Variants in PCDHA8 observed in about 807,000 individuals in gnomAD.
PCDHA8 encodes the protein protocadherin alpha 8.
Under a neutral mutation model 61.8 loss-of-function variants are expected in PCDHA8, and 53 were observed. The ratio of observed to expected loss-of-function variants is 0.86; its 90% CI spans 0.69 to 1.08. The LOEUF is 1.08. PCDHA8 is among the 50% of genes least tolerant of loss of function. The probability of loss-of-function intolerance (pLI) is 0.00; values close to 1 mark genes in which losing one functional copy is unlikely to be tolerated. For missense variants in PCDHA8, 1,293 were observed against 1,245.0 expected (o/e 1.04, Z -0.58); for synonymous variants, 618 against 556.6 (o/e 1.11, Z -1.55).
At chr5:140,939,089 A>C (rs1048123737) in intron 1 of PCDHA8, among the ~76,000 whole-genome samples, 11 of 152,204 alleles carry the variant, frequency 7.2e-5, no homozygotes, top group Non-Finnish European at 1.2e-4. Context: ...TGGGTGGCTT[A>C]AAAACAATAG....
intron 1 of PCDHA8, among the ~76,000 whole-genome samples, chr5:140,900,156 T>G (rs1219079675): frequency 3.3e-5 from 5 of 152,180 alleles, no homozygotes; most frequent in African/African-American, 1.2e-4. Flanking sequence ...CATACGATAT[T>G]TGTCTTTCTG....
At chr5:140,852,575 C>CT (rs1395261617) in intron 1 of PCDHA8, 11 of 798,920 alleles carry the variant, frequency 1.4e-5, no homozygotes, top group Non-Finnish European at 1.7e-5. Context: ...TGTGCCAAGG[C>CT]TTTTTTATTT....
At chr5:140,969,178 C>G (rs2096303822) in intron 1 of PCDHA8, 1 of 1,613,978 alleles carries the variant, frequency 6.2e-7, no homozygotes, top group South Asian at 1.1e-5. Flanking sequence ...CAGGGAGTGA[C>G]ACTTTCATGT....
Position 140,982,458 on chromosome 5 carries a change from T to C in PCDHA8, c.2454-17T>C, listed in dbSNP as rs1554244201. 1 of 1,613,996 alleles carries C rather than the reference T, an allele frequency of 6.2e-7. No homozygotes were observed. Among genetic ancestry groups the C allele is most frequent in the Non-Finnish European group, 8.5e-7 (1 of 1,179,964 alleles). ...ATTTATGATCTAACCGTTATCTGGG[T>C]CTGTGTGTTTATTCAGCTCTGTGCA... On this transcript the variant is annotated splice_polypyrimidine_tract_variant and intron_variant, in intron 2 of 3. Transcript: ENST00000531613.
At chr5:140,848,979 A>G in intron 1 of PCDHA8, 1 of 1,599,958 alleles carries the variant, frequency 6.3e-7, no homozygotes, top group Non-Finnish European at 8.5e-7. Flanking sequence ...CGATGCAGAT[A>G]TCGGGGAGAA....
chr5:140,882,094 C>T, intron 1 of PCDHA8: 1 of 1,172,684 alleles, frequency 8.5e-7, no homozygotes, highest in Non-Finnish European at 1.2e-6. Context: ...TCACTGAGAA[C>T]GTTTCCGCGA....
At chr5:140,884,112 C>T (rs2153400405) in intron 1 of PCDHA8, 1 of 1,613,306 alleles carries the variant, frequency 6.2e-7, no homozygotes. Flanking sequence ...CAGCTGGCGG[C>T]GGTCGGCGCG....
At chr5:140,967,301 G>T in intron 1 of PCDHA8, 2 of 1,612,148 alleles carry the variant, frequency 1.2e-6, no homozygotes, top group Middle Eastern at 1.7e-4. Flanking sequence ...CGACGTGGGC[G>T]CCAACTCAGT....
chr5:140,962,806 A>G (rs2095710017), intron 1 of PCDHA8, among the ~76,000 whole-genome samples: 1 of 152,204 alleles, frequency 6.6e-6, no homozygotes, highest in Admixed American at 6.5e-5. Context: ...ACAACTCTAA[A>G]CATCAGAGAT....
rs1358378131 is a variant in PCDHA8, at chr5:140,842,242, T to A, written c.921T>A (p.Asn307Lys). The A allele has an allele frequency of 1.2e-6, 2 of 1,612,266 alleles. No homozygotes were observed. The highest frequency in any genetic ancestry group is 1.7e-6 in the Non-Finnish European group (2 of 1,178,548). The change falls in exon 1 of 4, where the codon AAT (asparagine) becomes AAA (lysine). Residue 307 changes from asparagine (N) to lysine (K), a missense_variant. Coordinates refer to ENST00000531613, the MANE Select transcript of PCDHA8 (RefSeq NM_018911.3). Reference protein sequence around the residue: ...RNTGEIVIRGNLDFEQENLYK... With the variant: ...RNTGEIVIRGKLDFEQENLYK... ...CGGGAGAAATAGTGATTCGGGGTAA[T>A]TTGGATTTTGAACAAGAAAACTTAT...
chr5:140,923,814 A>G (rs1554201602), intron 1 of PCDHA8, among the ~76,000 whole-genome samples: 1 of 152,250 alleles, frequency 6.6e-6, no homozygotes, highest in Non-Finnish European at 1.5e-5. Flanking sequence ...ATCTTCTGAA[A>G]ATAGACGTCA....
intron 3 of PCDHA8, among the ~76,000 whole-genome samples, chr5:140,987,354 G>A (rs1180342992): frequency 2.6e-5 from 4 of 152,166 alleles, no homozygotes; most frequent in Admixed American, 2.6e-4. Context: ...TATTCCTGAG[G>A]TTGTCTTATA....
intron 3 of PCDHA8, among the ~76,000 whole-genome samples, chr5:140,986,426 T>C (rs1405347449): frequency 1.3e-5 from 2 of 152,216 alleles, no homozygotes; most frequent in East Asian, 3.9e-4. Context: ...TTTAACTTCA[T>C]GAGTACTAAT....
chr5:140,933,539 G>A (rs1173969458), intron 1 of PCDHA8, among the ~76,000 whole-genome samples: 1 of 152,018 alleles, frequency 6.6e-6, no homozygotes, highest in Non-Finnish European at 1.5e-5. Flanking sequence ...TCAAAATAAT[G>A]TTAATATAAA....
rs372500794 is a variant in PCDHA8, at chr5:140,876,782, C to A, written c.2394+33067C>A. 5.6e-6 allele frequency: 9 copies of A among 1,614,096 alleles called. No individual in the cohort carries two copies. The East Asian group carries it at 1.8e-4, about 32-fold the overall frequency. On this transcript the variant is annotated intron_variant, in intron 1 of 3. Transcript: ENST00000531613. ...GATGGGGGCTCGCCTTCGCTGTGGG[C>A]CACGGCTAGAGTGTCCGTGGAGGTG...
chr5:140,957,076 A>C (rs1554222802), intron 1 of PCDHA8, among the ~76,000 whole-genome samples: 1 of 152,174 alleles, frequency 6.6e-6, no homozygotes, highest in Non-Finnish European at 1.5e-5. Context: ...AGGGCTTTTT[A>C]TTAAGGAAAA....
At chr5:140,924,480 T>C (rs2081865040) in intron 1 of PCDHA8, among the ~76,000 whole-genome samples, 1 of 152,178 alleles carries the variant, frequency 6.6e-6, no homozygotes, top group Non-Finnish European at 1.5e-5. Flanking sequence ...TGGTTTTTAG[T>C]GGAACACTGG....
At chr5:140,875,229 T>C (rs893316010) in intron 1 of PCDHA8, 7 of 838,964 alleles carry the variant, frequency 8.3e-6, no homozygotes, top group Non-Finnish European at 1.2e-5. Flanking sequence ...TCAGGATCTT[T>C]CTTGTACTTA....
At chr5:140,911,591 A>G (rs2075552073) in intron 1 of PCDHA8, among the ~76,000 whole-genome samples, 2 of 152,222 alleles carry the variant, frequency 1.3e-5, no homozygotes, top group Non-Finnish European at 1.5e-5. Context: ...AGGAGGAACC[A>G]ACCAACTTCA....
Sources: gnomAD v4.1 joint callset for allele counts (sites outside exome capture counted in the v4.1 genomes callset) on GRCh38, gnomAD v4.1.1 for gene constraint, MANE v1.5 for transcripts, NCBI Gene and HGNC (gene_info 2026-07-23, HGNC 2026-07-21) for gene names.